The following MPDZ variants were observed in gnomAD, a reference collection of about 807,000 sequenced individuals.
The protein encoded by MPDZ is multiple PDZ domain crumbs cell polarity complex component, also known as multiple PDZ domain protein.
A neutral mutation model predicts 239.1 loss-of-function variants in MPDZ; 234 were observed. That is an observed-to-expected ratio of 0.98 (90% CI 0.88 to 1.09). The LOEUF (loss-of-function observed/expected upper bound fraction) is 1.09. MPDZ is among the 50% of genes least tolerant of loss of function. The probability of loss-of-function intolerance (pLI) is 0.00; values close to 1 mark genes in which losing one functional copy is unlikely to be tolerated. For synonymous variants in MPDZ, 1,048 were observed against 881.3 expected (o/e 1.19, Z -3.35); for missense variants, 3,175 against 2,510.0 (o/e 1.26, Z -5.66).
Position 13,123,357 on chromosome 9 carries a change from A to C in MPDZ, c.4808-59T>G, listed in dbSNP as rs140121465. 1.9e-5 allele frequency: 28 copies of C among 1,447,888 alleles called. No individual in the cohort carries two copies. The East Asian group carries it at 6.7e-4, about 35-fold the overall frequency. The allele number at this position is 1,447,888 out of a possible 1,614,324, so 89.7% of individuals were successfully genotyped here. On this transcript the variant is annotated intron_variant, in intron 35 of 46. Coordinates refer to ENST00000319217, the MANE Select transcript of MPDZ (RefSeq NM_001378778.1). ...AATTGGTTACTAAGGCATATCCATC[A>C]AACTCATCACACAGATTGACTCTGA...
intron 1 of MPDZ, among the ~76,000 whole-genome samples, chr9:13,252,838 G>C (rs967752736): frequency 1.3e-5 from 2 of 152,030 alleles, no homozygotes; most frequent in African/African-American, 4.8e-5. Context: ...GAGGAAGCAT[G>C]ATAGCAATAA....
intron 1 of MPDZ, among the ~76,000 whole-genome samples, chr9:13,268,628 A>G (rs1259004095): frequency 6.6e-6 from 1 of 152,188 alleles, no homozygotes; most frequent in Non-Finnish European, 1.5e-5. Context: ...TTTGTAAGAG[A>G]TATGACACAT....
intron 12 of MPDZ, among the ~76,000 whole-genome samples, chr9:13,203,040 G>GA (rs1337059653): frequency 2.0e-5 from 3 of 152,136 alleles, no homozygotes; most frequent in Admixed American, 6.6e-5. Context: ...CCAACACAAA[G>GA]AAAAAATAAA....
At position 13,109,008 on chromosome 9, in the gene MPDZ, GC is replaced by G. The variant is rs751938101; in HGVS notation, c.5993del (p.Gly1998AlafsTer4). 1.9e-6 allele frequency: 3 copies of G among 1,598,204 alleles called. No individual in the cohort carries two copies. Among genetic ancestry groups the G allele is most frequent in the Non-Finnish European group, 2.6e-6 (3 of 1,171,268 alleles). On this transcript the variant is annotated frameshift_variant, in exon 46 of 47. Transcript: ENST00000319217. LOFTEE classifies it high-confidence loss of function. ...TGCCATATCCTCCAACTATACTGAA[GC>G]CTAAGCCATCTGGTCCTCGCTCTAG... ...ITLERGPDGLGFSIVGGYGSP... is the reference protein window; with the variant it reads ...ITLERGPDGLXFSIVGGYGSP...
At chr9:13,191,164 C>T (rs1273394741) in intron 15 of MPDZ, among the ~76,000 whole-genome samples, 5 of 152,172 alleles carry the variant, frequency 3.3e-5, no homozygotes, top group East Asian at 1.9e-4. Flanking sequence ...CACATAAAAA[C>T]ATGTATGGAT....
chr9:13,125,004 G>T (rs541817726), intron 35 of MPDZ, among the ~76,000 whole-genome samples: 1 of 152,184 alleles, frequency 6.6e-6, no homozygotes, highest in Admixed American at 6.5e-5. Context: ...TGCCACAGCT[G>T]CTTAATGTAC....
chr9:13,236,268 T>TATATATATA (rs1491170147), intron 3 of MPDZ, among the ~76,000 whole-genome samples: 266 of 12,990 alleles, frequency 0.02, 56 homozygotes, highest in East Asian at 0.043. Flanking sequence ...TATATATATA[T>TATATATATA]TTTTTTTTTT....
chr9:13,162,702 T>C lies in MPDZ; in HGVS notation c.3348A>G (p.Ser1116=). 2 of 1,606,390 alleles carry C rather than the reference T, an allele frequency of 1.2e-6. No homozygotes were observed. The highest frequency in any genetic ancestry group is 1.3e-5 in the African/African-American group (1 of 74,816). The change falls in exon 23 of 47, where the codon TCA becomes TCG. Residue 1116 remains serine (S), a synonymous_variant. Coordinates refer to ENST00000319217, the MANE Select transcript of MPDZ (RefSeq NM_001378778.1). ...AATGTTTCACTTACCTGCCAGTGTA[T>C]GAAGAAAAAATATCCAGTGCCATTA... ...GRVMALDIFS[S]YTGRDIPELP...
chr9:13,165,101 T>C (rs1950913464), intron 22 of MPDZ, among the ~76,000 whole-genome samples: 1 of 152,124 alleles, frequency 6.6e-6, no homozygotes, highest in South Asian at 2.1e-4. Context: ...GATCGTTCCC[T>C]TACAAAGGAG....
intron 22 of MPDZ, chr9:13,165,313 A>G (rs1950939025): frequency 6.5e-7 from 1 of 1,529,052 alleles, no homozygotes. Context: ...AATTGTTTTC[A>G]CAGACAAGTT....
chr9:13,112,609 C>A (rs916235553), intron 42 of MPDZ, among the ~76,000 whole-genome samples: 2 of 152,176 alleles, frequency 1.3e-5, no homozygotes, highest in African/African-American at 4.8e-5. Context: ...CATGAAGTGT[C>A]TATAAGAGTG....
At chr9:13,201,439 T>C (rs559225943) in intron 12 of MPDZ, among the ~76,000 whole-genome samples, 1 of 152,146 alleles carries the variant, frequency 6.6e-6, no homozygotes, top group South Asian at 2.1e-4. Context: ...CCTCTAAGCC[T>C]GTAGCTGGAT....
In MPDZ at chr9:13,221,491, G is replaced by T; in HGVS notation, c.757C>A (p.Gln253Lys). The T allele has an allele frequency of 6.2e-7, 1 of 1,609,738 alleles. No individual in the cohort carries two copies. The highest frequency in any genetic ancestry group is 1.3e-5 in the African/African-American group (1 of 74,788). ...ISAHSNPVHW[Q>K]HMETIELVND... ...ACCAATTCAATCGTTTCCATGTGTT[G>T]CCAGTGAACCTACAAACAAAGCTCA... The change falls in exon 7 of 47, where the codon CAA becomes AAA. Residue 253 changes from glutamine to lysine, a missense_variant. Gln to Lys is a moderately conservative substitution (Grantham distance 53, BLOSUM62 1). Coordinates refer to ENST00000319217, the MANE Select transcript of MPDZ (RefSeq NM_001378778.1).
chr9:13,106,988 C>T lies in MPDZ; in HGVS notation c.6190G>A (p.Val2064Ile). ...VAILKRTKGTVTLMVLS is the reference protein window; with the variant it reads ...VAILKRTKGTITLMVLS Reference sequence around the variant, plus strand: ...ATTCAAGAGAGAACCATCAAAGTGACAGTGCCTTTTGTCCGTTTAAGGATG... The same window carrying T: ...ATTCAAGAGAGAACCATCAAAGTGATAGTGCCTTTTGTCCGTTTAAGGATG... The change falls in exon 47 of 47, where the codon GTC (valine) becomes ATC (isoleucine). Residue 2064 changes from valine (V) to isoleucine (I), a missense_variant. By Grantham distance (29) the Val-to-Ile change is conservative. Transcript: ENST00000319217. 6.2e-7 allele frequency: 1 copy of T among 1,613,650 alleles called. No homozygotes were observed. Among genetic ancestry groups the T allele is most frequent in the Non-Finnish European group, 8.5e-7 (1 of 1,179,624 alleles).
Position 13,222,326 on chromosome 9 carries a change from T to C in MPDZ, c.654A>G (p.Leu218=). 5 of 1,613,056 alleles carry C rather than the reference T, an allele frequency of 3.1e-6. No individual in the cohort carries two copies. The highest frequency in any genetic ancestry group is 4.2e-6 in the Non-Finnish European group (5 of 1,179,344). ...ILQKAKDTVQ[L]VIARGSLPQL... ...GAGGCAATGAGCCTCTGGCAATAAC[T>C]AGCTGGACAGTATCTTTGGCTTTCT... Residue 218 remains leucine (L), a synonymous_variant, in exon 6 of 47, where the codon CTA becomes CTG. Coordinates refer to ENST00000319217, the MANE Select transcript of MPDZ (RefSeq NM_001378778.1).
At chr9:13,270,584 T>G (rs1972741323) in intron 1 of MPDZ, among the ~76,000 whole-genome samples, 1 of 151,816 alleles carries the variant, frequency 6.6e-6, no homozygotes, top group Middle Eastern at 3.4e-3. Context: ...AAGTAAAATA[T>G]CTCAACAATG....
chr9:13,279,642 C>G lies in MPDZ; in HGVS notation c.-300G>C, dbSNP rs1320717311. The G allele has an allele frequency of 6.7e-6, 1 of 150,146 alleles. No homozygotes were observed. The highest frequency in any genetic ancestry group is 2.4e-5 in the African/African-American group (1 of 41,238). 9.3% of individuals were successfully genotyped at this position (150,146 alleles called of 1,614,324 possible). On this transcript the variant is annotated 5_prime_UTR_variant, in exon 1 of 47. Transcript: ENST00000319217. ...CCGCGCCCCCTCCCCCAGCGCGCGC[C>G]GCACTTGCGCCGACCGGGGCTGCCG...
At chr9:13,258,141 T>TA (rs754875962) in intron 1 of MPDZ, among the ~76,000 whole-genome samples, 1 of 152,184 alleles carries the variant, frequency 6.6e-6, no homozygotes, top group Non-Finnish European at 1.5e-5. Flanking sequence ...TAGGAACTGA[T>TA]TAACTGAGTA....
chr9:13,232,342 T>A (rs112556686), intron 3 of MPDZ, among the ~76,000 whole-genome samples: 2 of 152,262 alleles, frequency 1.3e-5, no homozygotes, highest in South Asian at 2.1e-4. Context: ...ATTTGTTTAA[T>A]TGGAACACAA....
Sources: gnomAD v4.1 joint callset for allele counts (sites outside exome capture counted in the v4.1 genomes callset) on GRCh38, gnomAD v4.1.1 for gene constraint, MANE v1.5 for transcripts, NCBI Gene and HGNC (gene_info 2026-07-23, HGNC 2026-07-21) for gene names.